The following HNRNPL variants were observed in gnomAD, a reference collection of about 807,000 sequenced individuals.
HNRNPL encodes the protein epididymis secretory sperm binding protein.
A neutral mutation model predicts 64.0 loss-of-function variants in HNRNPL; 12 were observed. That is an observed-to-expected ratio of 0.19 (90% confidence interval 0.12 to 0.30). HNRNPL has a LOEUF of 0.30. Ranked by LOEUF, HNRNPL falls within the 10% of genes least tolerant of loss-of-function variation. The pLI, the probability that HNRNPL is intolerant of heterozygous loss-of-function variation, is 1.00. For synonymous variants in HNRNPL, 385 were observed against 313.0 expected, an observed-to-expected ratio of 1.23 and a Z score of -2.43; for missense variants, 484 against 797.4, an observed-to-expected ratio of 0.61 and a Z score of 4.73.
Position 38,837,671 on chromosome 19 carries a change from G to T in HNRNPL, c.1558-20C>A, listed in dbSNP as rs1224258627. 6.2e-7 allele frequency: 1 copy of T among 1,612,390 alleles called. No individual in the cohort carries two copies. The highest frequency in any genetic ancestry group is 8.5e-7 in the Non-Finnish European group (1 of 1,178,514). On this transcript the variant is annotated intron_variant, in intron 10 of 12. Coordinates refer to ENST00000221419, the MANE Select transcript of HNRNPL (RefSeq NM_001533.3). ...GCAGATCTGCAAAAGAAAACAGGTA[G>T]TAAATGAACTCTGAAACAAAAGGGC...
intron 6 of HNRNPL, among the ~76,000 whole-genome samples, chr19:38,842,510 C>G (rs1420708596): frequency 1.3e-5 from 2 of 152,062 alleles, no homozygotes; most frequent in Non-Finnish European, 2.9e-5. Flanking sequence ...TGTCTCTGTG[C>G]TTGTAGCTGT....
chr19:38,837,332 G>A (rs1372578765), intron 12 of HNRNPL, 52 bp downstream of exon 12: 1 of 1,452,662 alleles, frequency 6.9e-7, no homozygotes, highest in Non-Finnish European at 9.7e-7. Context: ...CCTGAAGCCA[G>A]CCAACCCATT....
intron 12 of HNRNPL, 161 bp downstream of exon 12, chr19:38,837,223 C>T (rs1971958184): frequency 1.6e-6 from 1 of 632,030 alleles, no homozygotes; most frequent in East Asian, 2.7e-5. Context: ...CCAAGAGGAG[C>T]ACAGGCTGCT....
upstream of HNRNPL, chr19:38,850,337 C>T (rs1600075081): frequency 4.5e-6 from 1 of 220,228 alleles, no homozygotes; most frequent in East Asian, 9.9e-5. Flanking sequence ...GGTCTCCTCG[C>T]TAATCCGTCA....
chr19:38,838,771 C>A (rs1600047912), intron 9 of HNRNPL, 123 bp downstream of exon 9: 1 of 1,409,042 alleles, frequency 7.1e-7, no homozygotes, highest in East Asian at 2.3e-5. Context: ...TGGGAACACA[C>A]CTGCCACATC....
At chr19:38,838,635 CA>C (rs1972008795) in intron 9 of HNRNPL, 37 bp from the exon 10 acceptor site, 2 of 1,589,412 alleles carry the variant, frequency 1.3e-6, no homozygotes, top group African/African-American at 1.3e-5. Flanking sequence ...TTGTCATACC[CA>C]AAGTTGTCCC....
chr19:38,849,502 C>T, intron 1 of HNRNPL, 198 bp downstream of exon 1: 1 of 710,544 alleles, frequency 1.4e-6, no homozygotes, highest in Non-Finnish European at 2.0e-6. Context: ...CACCCCGCTC[C>T]GGACCCCGCG....
upstream of HNRNPL, chr19:38,850,077 A>T: frequency 1.2e-6 from 1 of 832,000 alleles, no homozygotes; most frequent in Non-Finnish European, 1.7e-6. Context: ...GGGGGAGGGT[A>T]GGCCGCCACA....
At position 38,838,880 on chromosome 19, in the gene HNRNPL, G is replaced by T. The variant is rs200248378; in HGVS notation, c.1355+14C>A. ...CCCTGTACCTCTGCTGCCCTCCCGA[G>T]CCTGAGCACCTACCAGACATTCAGC... On this transcript the variant is annotated intron_variant, in intron 9 of 12. Coordinates refer to ENST00000221419, the MANE Select transcript of HNRNPL (RefSeq NM_001533.3). 1.9e-6 allele frequency: 3 copies of T among 1,613,856 alleles called. No homozygotes were observed. Among genetic ancestry groups the T allele is most frequent in the Admixed American group, 3.3e-5 (2 of 59,982 alleles).
chr19:38,838,749 C>G, intron 9 of HNRNPL, 145 bp downstream of exon 9: 3 of 1,330,292 alleles, frequency 2.3e-6, no homozygotes, highest in South Asian at 2.5e-5. Context: ...CCTGTGGTGT[C>G]AGAGACACGT....
chr19:38,849,591 A>C, intron 1 of HNRNPL, 109 bp downstream of exon 1: 1 of 1,255,676 alleles, frequency 8.0e-7, no homozygotes, highest in Non-Finnish European at 1.0e-6. Flanking sequence ...CAACGACGCG[A>C]TGGCCTGGGC....
chr19:38,850,293 T>G (rs902647164), upstream of HNRNPL: 9 of 282,900 alleles, frequency 3.2e-5, no homozygotes, highest in African/African-American at 1.3e-4. Context: ...GCTCTAAACC[T>G]CCCAAGAATC....
At chr19:38,842,740 GTT>G (rs1018264311) in intron 6 of HNRNPL, among the ~76,000 whole-genome samples, 1 of 150,694 alleles carries the variant, frequency 6.6e-6, no homozygotes, top group Non-Finnish European at 1.5e-5. Flanking sequence ...ATCAGCCCTC[GTT>G]TTTTTTTGGG....
chr19:38,837,966 C>G (rs1366738086), intron 10 of HNRNPL, among the ~76,000 whole-genome samples: 2 of 152,220 alleles, frequency 1.3e-5, no homozygotes, highest in Non-Finnish European at 2.9e-5. Context: ...ACAGCCAGAT[C>G]CACTTGAGTT....
intron 12 of HNRNPL, 66 bp downstream of exon 12, chr19:38,837,318 C>A (rs759378514): frequency 1.6e-6 from 2 of 1,285,368 alleles, no homozygotes; most frequent in Non-Finnish European, 2.3e-6. Flanking sequence ...AAGGACATCC[C>A]TGGCCTGAAG....
intron 1 of HNRNPL, chr19:38,849,257 G>A (rs907558365): frequency 2.2e-5 from 4 of 180,444 alleles, no homozygotes; most frequent in Non-Finnish European, 4.6e-5. Context: ...GCCATCAGAC[G>A]GAATTCCCCA....
chr19:38,844,116 T>C lies in HNRNPL; in HGVS notation c.711-12A>G. 6.3e-7 allele frequency: 1 copy of C among 1,578,018 alleles called. No homozygotes were observed. The highest frequency in any genetic ancestry group is 8.7e-7 in the Non-Finnish European group (1 of 1,146,998). ...GAACTGAGTCAAATGTGAGTCAAGT[T>C]AAGGAAAGTCCCATCACAGGAGATC... is the stretch of plus-strand genomic sequence containing the variant. On this transcript the variant is annotated splice_polypyrimidine_tract_variant and intron_variant, in intron 4 of 12. Transcript: ENST00000221419.
At chr19:38,839,506 C>T (rs777758733) in intron 8 of HNRNPL, 54 of 176,294 alleles carry the variant, frequency 3.1e-4, no homozygotes, top group Non-Finnish European at 4.4e-4. Flanking sequence ...CTGTCCATCT[C>T]ATTAAGGATT....
intron 6 of HNRNPL, among the ~76,000 whole-genome samples, chr19:38,842,645 G>A (rs1972153982): frequency 6.6e-6 from 1 of 152,062 alleles, no homozygotes; most frequent in Non-Finnish European, 1.5e-5. Context: ...TACCCTGTGT[G>A]TTGGTGAGCA....
Sources: gnomAD v4.1 joint callset for allele counts (sites outside exome capture counted in the v4.1 genomes callset) on GRCh38, gnomAD v4.1.1 for gene constraint, MANE v1.5 for transcripts, NCBI Gene and HGNC (gene_info 2026-07-23, HGNC 2026-07-21) for gene names.